CPD: variants seen among roughly 807,000 people sequenced by gnomAD.
The protein encoded by CPD is metallocarboxypeptidase D.
In CPD, 69 loss-of-function variants were observed where a neutral mutation model predicts 138.3. The ratio of observed to expected loss-of-function variants is 0.50; its 90% CI spans 0.41 to 0.61. The LOEUF (loss-of-function observed/expected upper bound fraction) is 0.61. CPD is among the 20% of genes least tolerant of loss of function. The pLI is 0.00. For synonymous variants in CPD, 651 were observed against 642.1 expected (o/e 1.01, Z -0.21); for missense variants, 1,432 against 1,733.3 (o/e 0.83, Z 3.09).
At chr17:30,412,271 C>T (rs986762468) in intron 2 of CPD, among the ~76,000 whole-genome samples, 1 of 152,166 alleles carries the variant, frequency 6.6e-6, no homozygotes, top group Non-Finnish European at 1.5e-5. Flanking sequence ...GGGGCACCTG[C>T]CTGTATGAGG....
chr17:30,393,666 A>T (rs1358641230), intron 2 of CPD, among the ~76,000 whole-genome samples: 1 of 152,200 alleles, frequency 6.6e-6, no homozygotes, highest in Non-Finnish European at 1.5e-5. Context: ...ATCTGACCTA[A>T]TGAACGCGTA....
chr17:30,459,724 C>T (rs867033140), intron 17 of CPD, among the ~76,000 whole-genome samples: 6 of 152,048 alleles, frequency 3.9e-5, no homozygotes, highest in African/African-American at 1.2e-4. Context: ...GTGTTAAAAC[C>T]GTATATCACT....
intron 2 of CPD, among the ~76,000 whole-genome samples, chr17:30,419,999 G>A (rs749217318): frequency 1.5e-4 from 23 of 152,172 alleles, no homozygotes; most frequent in Non-Finnish European, 3.1e-4. Flanking sequence ...CAAGAGCAAG[G>A]TGAGATCATA....
chr17:30,397,258 C>T (rs1911533480), intron 2 of CPD, among the ~76,000 whole-genome samples: 1 of 151,906 alleles, frequency 6.6e-6, no homozygotes, highest in African/African-American at 2.4e-5. Context: ...ATTTAGAGGA[C>T]ACAGAATTAA....
rs1484021644 is a variant in CPD at position 30,379,526 on chromosome 17, C to A, written c.546C>A (p.Leu182=). The A allele has an allele frequency of 2.6e-6, 4 of 1,567,398 alleles. No homozygotes were observed. Among genetic ancestry groups the A allele is most frequent in the Admixed American group, 3.8e-5 (2 of 53,062 alleles). ...CCGACGTGTACCTGCTGCCCAGCCT[C>A]AACCCCGATGGCTTCGAGCGTGCCC... is the stretch of plus-strand genomic sequence containing the variant. ...NTTDVYLLPS[L]NPDGFERARE... is the part of the protein sequence containing the mutation. The change falls in exon 1 of 21, where the codon CTC becomes CTA. Residue 182 remains leucine (L), a synonymous_variant. Transcript: ENST00000225719. The surrounding 1 kb of genome is among the most constrained non-coding windows in gnomAD (Gnocchi z 7.0).
intron 7 of CPD, 29 bp from the exon 8 acceptor site, chr17:30,431,743 A>T: frequency 1.4e-6 from 2 of 1,384,922 alleles, no homozygotes; most frequent in South Asian, 2.3e-5. Context: ...AACAGACAAC[A>T]TGATACATTT....
chr17:30,407,146 T>G (rs1258428414), intron 2 of CPD, among the ~76,000 whole-genome samples: 1 of 152,240 alleles, frequency 6.6e-6, no homozygotes, highest in Non-Finnish European at 1.5e-5. Flanking sequence ...GGACATGAAC[T>G]CATTCTTTTT....
At chr17:30,408,421 G>A (rs1911863212) in intron 2 of CPD, among the ~76,000 whole-genome samples, 1 of 152,124 alleles carries the variant, frequency 6.6e-6, no homozygotes, top group South Asian at 2.1e-4. Context: ...TCACGATATT[G>A]ATTCTTCCTA....
rs372367994 is a variant in CPD at position 30,453,105 on chromosome 17, G to A, written c.3205+1259G>A. Among the ~76,000 whole-genome samples the A allele has an allele frequency of 1.6e-3, 239 of 152,082 alleles. 1 individual carries two copies. The highest frequency in any genetic ancestry group is 5.6e-3 in the African/African-American group (233 of 41,482). On this transcript the variant is annotated intron_variant, in intron 14 of 20. Transcript: ENST00000225719. ...GCCAAACCATATCATTCTGCCACTG[G>A]CCCCTCCCAAATCTCATGTCCTCAC...
chr17:30,455,579 C>G (rs1913271622), intron 15 of CPD, 109 bp downstream of exon 15: 3 of 1,231,666 alleles, frequency 2.4e-6, no homozygotes, highest in Non-Finnish European at 3.4e-6. Context: ...TGAGCACACT[C>G]TATGAGCAAA....
intron 10 of CPD, 124 bp downstream of exon 10, chr17:30,442,574 T>C (rs1912907482): frequency 1.1e-6 from 1 of 894,562 alleles, no homozygotes; most frequent in Admixed American, 2.8e-5. Context: ...TTTTAGTATA[T>C]TTAACCAGTT....
intron 2 of CPD, among the ~76,000 whole-genome samples, chr17:30,389,456 A>G (rs761501549): frequency 6.6e-6 from 1 of 152,252 alleles, no homozygotes. Flanking sequence ...ATATTTAATA[A>G]AACCTAACTT....
At chr17:30,462,913 G>A (rs936949542) in intron 20 of CPD, among the ~76,000 whole-genome samples, 1 of 152,230 alleles carries the variant, frequency 6.6e-6, no homozygotes, top group African/African-American at 2.4e-5. Context: ...GGTTGGGCTA[G>A]TTATCTGCAG....
intron 11 of CPD, chr17:30,444,234 A>G (rs917034593): frequency 3.5e-6 from 1 of 289,506 alleles, no homozygotes; most frequent in African/African-American, 2.1e-5. Flanking sequence ...TGGACATTAA[A>G]CAAGACATTT....
intron 2 of CPD, among the ~76,000 whole-genome samples, chr17:30,394,789 A>G (rs1349412059): frequency 6.6e-6 from 1 of 152,196 alleles, no homozygotes; most frequent in East Asian, 1.9e-4. Context: ...CAAAGAGAGG[A>G]TGTCAAAGAT....
At chr17:30,462,139 T>A (rs1913493199) in intron 19 of CPD, 77 bp downstream of exon 19, 2 of 1,327,062 alleles carry the variant, frequency 1.5e-6, no homozygotes, top group Admixed American at 4.8e-5. Context: ...GAAACTCTTG[T>A]TAGAAATCTT....
chr17:30,461,120 C>A lies in CPD; in HGVS notation c.3499-60C>A, dbSNP rs1312861710. 5 of 1,354,144 alleles carry A rather than the reference C, an allele frequency of 3.7e-6. No individual in the cohort carries two copies. The African/African-American group carries it at 4.4e-5, about 12-fold the overall frequency. The allele number at this position is 1,354,144 out of a possible 1,614,324, so 83.9% of individuals were successfully genotyped here. ...TTACTCCATTTGTTGTATTACAAAG[C>A]CTTATTCTTTCTTTTACTTATTAAT... On this transcript the variant is annotated intron_variant, in intron 17 of 20. Transcript: ENST00000225719.
At chr17:30,451,461 T>C (rs1913163724) in intron 13 of CPD, among the ~76,000 whole-genome samples, 1 of 152,250 alleles carries the variant, frequency 6.6e-6, no homozygotes, top group Non-Finnish European at 1.5e-5. Context: ...GGCCTGCTGT[T>C]AGTGGTTTCT....
At chr17:30,438,029 A>C (rs987242545) in intron 8 of CPD, among the ~76,000 whole-genome samples, 3 of 109,270 alleles carry the variant, frequency 2.7e-5, no homozygotes, top group African/African-American at 1.1e-4. Context: ...TTTTTTGTAG[A>C]GATGAGGTCT....
Sources: allele counts gnomAD v4.1 joint callset (sites outside exome capture counted in the v4.1 genomes callset), GRCh38; gene constraint gnomAD v4.1.1; non-coding constraint Gnocchi (gnomAD v3.1); transcripts MANE v1.5; gene names NCBI Gene and HGNC (gene_info 2026-07-23, HGNC 2026-07-21).